Variants in UBE2E2 observed in about 807,000 individuals in gnomAD.
The protein encoded by UBE2E2 is ubiquitin conjugating enzyme E2 E2, also known as ubiquitin-conjugating enzyme E2 E2.
A neutral mutation model predicts 24.7 loss-of-function variants in UBE2E2; 6 were observed. That is an observed-to-expected ratio of 0.24 (90% CI 0.13 to 0.48). The LOEUF (loss-of-function observed/expected upper bound fraction) is 0.48, where lower values mean the gene tolerates loss of function less well. UBE2E2 is among the 20% of genes least tolerant of loss of function. The probability of loss-of-function intolerance (pLI) is 0.99; values close to 1 mark genes in which losing one functional copy is unlikely to be tolerated. For synonymous variants in UBE2E2, 104 were observed against 83.6 expected, an observed-to-expected ratio of 1.24 and a Z score of -1.33; for missense variants, 169 against 245.0, an observed-to-expected ratio of 0.69 and a Z score of 2.07.
At chr3:23,231,859 A>G (rs535832657) in intron 3 of UBE2E2, among the ~76,000 whole-genome samples, 4 of 152,336 alleles carry the variant, frequency 2.6e-5, no homozygotes, top group South Asian at 2.1e-4. Flanking sequence ...ATGAAAAGAT[A>G]TATAGGTTGA....
chr3:23,380,230 T>C (rs1210599593), intron 3 of UBE2E2, among the ~76,000 whole-genome samples: 1 of 152,098 alleles, frequency 6.6e-6, no homozygotes, highest in Non-Finnish European at 1.5e-5. Context: ...AAAAAAATTA[T>C]TTTTCTAGAG....
At chr3:23,481,306 C>T (rs1699255022) in intron 3 of UBE2E2, among the ~76,000 whole-genome samples, 1 of 152,176 alleles carries the variant, frequency 6.6e-6, no homozygotes, top group Non-Finnish European at 1.5e-5. Flanking sequence ...TGAGTAATAG[C>T]GTTTTACAAG....
At chr3:23,293,087 T>C (rs981320336) in intron 3 of UBE2E2, among the ~76,000 whole-genome samples, 1 of 152,216 alleles carries the variant, frequency 6.6e-6, no homozygotes, top group South Asian at 2.1e-4. Flanking sequence ...AAAATCAGGA[T>C]AATTATGTAT....
At chr3:23,223,025 C>CTT (rs58129459) in intron 3 of UBE2E2, among the ~76,000 whole-genome samples, 1 of 60,308 alleles carries the variant, frequency 1.7e-5, no homozygotes, top group Admixed American at 2.3e-4. Flanking sequence ...CCCCCCCCCC[C>CTT]TTTTTTTTTT....
intron 5 of UBE2E2, among the ~76,000 whole-genome samples, chr3:23,533,116 C>T (rs1038270048): frequency 6.6e-6 from 1 of 152,126 alleles, no homozygotes; most frequent in African/African-American, 2.4e-5. Context: ...CAGACGTGAC[C>T]TTTTTGGCAT....
chr3:23,312,273 T>A (rs988957873), intron 3 of UBE2E2, among the ~76,000 whole-genome samples: 19 of 152,288 alleles, frequency 1.2e-4, no homozygotes, highest in African/African-American at 4.3e-4. Context: ...GATATTTCTT[T>A]ATAGCAATGC....
At chr3:23,427,595 T>C (rs1282195274) in intron 3 of UBE2E2, among the ~76,000 whole-genome samples, 6 of 152,184 alleles carry the variant, frequency 3.9e-5, no homozygotes, top group Admixed American at 3.9e-4. Context: ...AGCAGTGGCC[T>C]AAATATACAA....
chr3:23,571,101 A>G (rs1049028355), intron 5 of UBE2E2, among the ~76,000 whole-genome samples: 4 of 151,922 alleles, frequency 2.6e-5, no homozygotes, highest in African/African-American at 9.7e-5. Context: ...GGTAATAGTA[A>G]ACTGATTAAG....
chr3:23,502,173 C>A (rs900668440), intron 4 of UBE2E2, among the ~76,000 whole-genome samples: 2 of 151,506 alleles, frequency 1.3e-5, no homozygotes, highest in African/African-American at 4.8e-5. Flanking sequence ...GTAAATAGTA[C>A]ATGTTTCAAG....
chr3:23,341,720 T>C (rs528219490), intron 3 of UBE2E2, among the ~76,000 whole-genome samples: 2 of 152,326 alleles, frequency 1.3e-5, no homozygotes, highest in Admixed American at 6.5e-5. Context: ...CTTTTTTTTT[T>C]CTAAAAATAC....
chr3:23,419,628 G>A (rs1476746495), intron 3 of UBE2E2, among the ~76,000 whole-genome samples: 2 of 152,100 alleles, frequency 1.3e-5, no homozygotes, highest in East Asian at 1.9e-4. Flanking sequence ...CTTGCCTGCC[G>A]TGCATAGTTT....
rs140117016 is a variant in UBE2E2 at position 23,390,225 on chromosome 3, T to G, written c.228-109383T>G. On this transcript the variant is annotated intron_variant, in intron 3 of 5. Transcript: ENST00000396703. ...GGCCCTGAATGAGAACAGTTATCCC[T>G]GTTTTCCCTCCCAAATGTTACATTT... Among the ~76,000 whole-genome samples, 576 of 152,240 alleles carry G rather than the reference T, an allele frequency of 3.8e-3. 6 individuals are homozygous for G. The highest frequency in any genetic ancestry group is 6.9e-3 in the Non-Finnish European group (469 of 68,006).
intron 3 of UBE2E2, among the ~76,000 whole-genome samples, chr3:23,335,721 A>T (rs908183520): frequency 3.3e-5 from 5 of 151,882 alleles, no homozygotes; most frequent in Non-Finnish European, 7.4e-5. Flanking sequence ...TTTTGTAGAG[A>T]TGGGGTCTCA....
At chr3:23,420,078 T>C (rs1697758749) in intron 3 of UBE2E2, among the ~76,000 whole-genome samples, 1 of 152,226 alleles carries the variant, frequency 6.6e-6, no homozygotes, top group Non-Finnish European at 1.5e-5. Context: ...AGAGAGTCTA[T>C]CATGAAAAAT....
intron 3 of UBE2E2, among the ~76,000 whole-genome samples, chr3:23,468,144 G>A (rs993672029): frequency 6.6e-6 from 1 of 152,098 alleles, no homozygotes; most frequent in Non-Finnish European, 1.5e-5. Flanking sequence ...GGACCATTCA[G>A]GATTTTGCTA....
intron 3 of UBE2E2, among the ~76,000 whole-genome samples, chr3:23,301,547 C>T (rs1699092635): frequency 6.6e-6 from 1 of 152,224 alleles, no homozygotes; most frequent in African/African-American, 2.4e-5. Context: ...TAGAGGTCCA[C>T]TCCAGACCCT....
chr3:23,544,175 C>T (rs1294338338), intron 5 of UBE2E2, among the ~76,000 whole-genome samples: 2 of 152,014 alleles, frequency 1.3e-5, no homozygotes, highest in Non-Finnish European at 2.9e-5. Context: ...AGTAAGACCC[C>T]GAAAGCAAAT....
At chr3:23,225,872 T>C (rs1343785427) in intron 3 of UBE2E2, among the ~76,000 whole-genome samples, 7 of 140,578 alleles carry the variant, frequency 5.0e-5, no homozygotes, top group Non-Finnish European at 6.3e-5. Flanking sequence ...TAGAAGAAAG[T>C]GTTTTTTTTT....
intron 3 of UBE2E2, among the ~76,000 whole-genome samples, chr3:23,250,164 A>G (rs1470212106): frequency 1.3e-5 from 2 of 152,196 alleles, no homozygotes; most frequent in East Asian, 1.9e-4. Context: ...AGAAACTGCA[A>G]TATAGTCACA....
Sources: allele counts gnomAD v4.1 joint callset (sites outside exome capture counted in the v4.1 genomes callset), GRCh38; gene constraint gnomAD v4.1.1; transcripts MANE v1.5; gene names NCBI Gene and HGNC (gene_info 2026-07-23, HGNC 2026-07-21).